Variants in SYCP1 observed in about 807,000 individuals in gnomAD.
SYCP1 encodes the protein synaptonemal complex protein 1.
Under a neutral mutation model 153.1 loss-of-function variants are expected in SYCP1, and 64 were observed. The ratio of observed to expected loss-of-function variants is 0.42; its 90% confidence interval spans 0.34 to 0.51. SYCP1 has a LOEUF of 0.51. Ranked by LOEUF, SYCP1 falls within the 20% of genes least tolerant of loss-of-function variation. SYCP1 has a pLI of 0.06. For missense variants in SYCP1, 997 were observed against 1,049.0 expected, an observed-to-expected ratio of 0.95 and a Z score of 0.68; for synonymous variants, 384 against 341.8, an observed-to-expected ratio of 1.12 and a Z score of -1.36.
At chr1:114,915,229 A>C (rs1376763079) in intron 20 of SYCP1, among the ~76,000 whole-genome samples, 1 of 152,220 alleles carries the variant, frequency 6.6e-6, no homozygotes, top group Non-Finnish European at 1.5e-5. Context: ...CAATTTGGAA[A>C]TAAAAGGTTG....
chr1:114,880,683 C>G (rs988286082), intron 12 of SYCP1, among the ~76,000 whole-genome samples: 1 of 152,194 alleles, frequency 6.6e-6, no homozygotes, highest in Non-Finnish European at 1.5e-5. Flanking sequence ...GCATCTTAGT[C>G]TTTTGCTTAT....
chr1:114,892,339 G>A (rs1321365566), intron 15 of SYCP1, among the ~76,000 whole-genome samples: 1 of 152,146 alleles, frequency 6.6e-6, no homozygotes, highest in Non-Finnish European at 1.5e-5. Context: ...GTGCAAGTGT[G>A]CTGCGGCCCT....
chr1:114,963,202 T>A (rs745325914), intron 27 of SYCP1, among the ~76,000 whole-genome samples: 19 of 152,286 alleles, frequency 1.2e-4, no homozygotes, highest in South Asian at 1.0e-3. Context: ...CCTCTTGTAT[T>A]TGGATGTCTA....
chr1:114,938,948 C>A (rs1042337354), intron 23 of SYCP1, among the ~76,000 whole-genome samples: 3 of 152,012 alleles, frequency 2.0e-5, no homozygotes, highest in African/African-American at 7.2e-5. Context: ...AATTCTCGAG[C>A]ACTGTTGATG....
intron 30 of SYCP1, among the ~76,000 whole-genome samples, chr1:114,986,592 T>C (rs1002497839): frequency 2.6e-5 from 4 of 152,038 alleles, no homozygotes; most frequent in Non-Finnish European, 5.9e-5. Flanking sequence ...AGTTTCCTGG[T>C]TATAATTATT....
intron 3 of SYCP1, 76 bp from the exon 4 acceptor site, chr1:114,857,156 A>AAAAAAAAAAAAAAAAAAAAAAAT: frequency 1.1e-6 from 1 of 919,342 alleles, no homozygotes; most frequent in Non-Finnish European, 1.5e-6. Context: ...AAAAAAAAAA[A>AAAAAAAAAAAAAAAAAAAAAAAT]AGAGAAAAAA....
At chr1:114,857,550 T>G (rs1664086552) in intron 5 of SYCP1, 53 bp downstream of exon 5, 1 of 1,288,746 alleles carries the variant, frequency 7.8e-7, no homozygotes, top group African/African-American at 1.5e-5. Flanking sequence ...ATATAACTTA[T>G]TACCTATATG....
chr1:114,934,005 G>A (rs1005247077), intron 23 of SYCP1, among the ~76,000 whole-genome samples: 1 of 152,150 alleles, frequency 6.6e-6, no homozygotes, highest in African/African-American at 2.4e-5. Flanking sequence ...TTATCCAGGA[G>A]AACTTCCCCA....
In SYCP1 at chr1:114,891,287, G is replaced by A. The variant is rs191851040; in HGVS notation, c.1258+3594G>A. Among the ~76,000 whole-genome samples the A allele has an allele frequency of 4.1e-3, 631 of 152,228 alleles. 8 individuals are homozygous for A. Among genetic ancestry groups the A allele is most frequent in the Middle Eastern group, 0.014 (4 of 294 alleles). ...ACTCCTTGTATCTTTTAGGTCAGAC[G>A]TCTTTGACCAGTGCTATTATAGTTA... On this transcript the variant is annotated intron_variant, in intron 15 of 31. Coordinates refer to ENST00000369522, the MANE Select transcript of SYCP1 (RefSeq NM_003176.4).
At chr1:114,899,000 G>A (rs915601771) in intron 16 of SYCP1, among the ~76,000 whole-genome samples, 19 of 152,178 alleles carry the variant, frequency 1.2e-4, no homozygotes, top group Non-Finnish European at 2.5e-4. Flanking sequence ...TGCAGACAAC[G>A]GTGTGAGGCC....
At chr1:114,864,588 A>G (rs1411754028) in intron 8 of SYCP1, among the ~76,000 whole-genome samples, 3 of 152,004 alleles carry the variant, frequency 2.0e-5, no homozygotes, top group African/African-American at 7.3e-5. Context: ...TCCCAAGCTC[A>G]AGCAATCTTC....
In SYCP1 at chr1:114,895,038, G is replaced by A. The variant is rs534036569; in HGVS notation, c.1259-410G>A. ...GCAGAGTCTCAGAGGAGGTGGGAAT[G>A]TTGAATCCAAAGTACAATGCTCAGA... On this transcript the variant is annotated intron_variant, in intron 15 of 31. Transcript: ENST00000369522. Among the ~76,000 whole-genome samples, 182 of 111,962 alleles carry A rather than the reference G, an allele frequency of 1.6e-3. 1 individual carries two copies. The South Asian group carries it at 0.017, about 11-fold the overall frequency. 73.5% of individuals were successfully genotyped at this position (111,962 alleles called of 152,430 possible).
chr1:114,866,025 C>T (rs964508831), intron 8 of SYCP1, among the ~76,000 whole-genome samples: 3 of 152,174 alleles, frequency 2.0e-5, no homozygotes, highest in Non-Finnish European at 4.4e-5. Context: ...ATTTTTTAAG[C>T]ACTGAATAAT....
chr1:114,987,609 C>T (rs544792585), intron 30 of SYCP1, among the ~76,000 whole-genome samples: 2 of 152,024 alleles, frequency 1.3e-5, no homozygotes, highest in East Asian at 3.9e-4. Flanking sequence ...AAGTTATAGT[C>T]AGCTATGATT....
chr1:114,911,078 TACA>T lies in SYCP1; in HGVS notation c.1426-399_1426-397del, dbSNP rs1461122147. ...ATGACAGTATTACATCTTGTCTTTTTACAATAATAAGAACATTATAGTTCTTAT... is the reference window on the plus strand; with the variant it reads ...ATGACAGTATTACATCTTGTCTTTTTATAATAAGAACATTATAGTTCTTAT... On this transcript the variant is annotated intron_variant, in intron 17 of 31. Transcript: ENST00000369522. Among the ~76,000 whole-genome samples, 4 of 150,072 alleles carry T rather than the reference TACA, an allele frequency of 2.7e-5. No individual in the cohort carries two copies. The East Asian group carries it at 7.9e-4, about 29-fold the overall frequency.
intron 16 of SYCP1, among the ~76,000 whole-genome samples, chr1:114,899,880 C>T (rs943648033): frequency 3.9e-5 from 6 of 152,244 alleles, no homozygotes; most frequent in Non-Finnish European, 7.4e-5. Context: ...AAAAGCCTGG[C>T]GTCAGGAAAG....
At chr1:114,948,377 A>G (rs796934982) in intron 27 of SYCP1, among the ~76,000 whole-genome samples, 8 of 152,328 alleles carry the variant, frequency 5.3e-5, no homozygotes, top group African/African-American at 1.9e-4. Context: ...TTACGTAGTA[A>G]GAGAGCAGAA....
In SYCP1 at chr1:114,976,995, TC is replaced by T. The variant is rs540123099; in HGVS notation, c.2323-561del. On this transcript the variant is annotated intron_variant, in intron 27 of 31. Coordinates refer to ENST00000369522, the MANE Select transcript of SYCP1 (RefSeq NM_003176.4). ...GTCATATTACAGGCACCCTACATAT[TC>T]ATTTATGTAGGCCAGGCTTTTCTTT... Among the ~76,000 whole-genome samples the T allele has an allele frequency of 1.2e-3, 188 of 151,934 alleles. 2 individuals carry two copies. The highest frequency in any genetic ancestry group is 4.3e-3 in the African/African-American group (179 of 41,552).
intron 8 of SYCP1, among the ~76,000 whole-genome samples, chr1:114,862,710 C>A (rs2101324344): frequency 6.6e-6 from 1 of 152,184 alleles, no homozygotes; most frequent in African/African-American, 2.4e-5. Flanking sequence ...GAGAACCCAA[C>A]ATTTTTCAAG....
Sources: gnomAD v4.1 joint callset for allele counts (sites outside exome capture counted in the v4.1 genomes callset) on GRCh38, gnomAD v4.1.1 for gene constraint, MANE v1.5 for transcripts, NCBI Gene and HGNC (gene_info 2026-07-23, HGNC 2026-07-21) for gene names.